The following CDH8 variants were observed in gnomAD, a reference collection of about 807,000 sequenced individuals.
The protein encoded by CDH8 is cadherin-8.
Under a neutral mutation model 68.1 loss-of-function variants are expected in CDH8, and 17 were observed. That is an observed-to-expected ratio of 0.25 (90% CI 0.17 to 0.37). The LOEUF (loss-of-function observed/expected upper bound fraction) is 0.37. CDH8 is among the 10% of genes least tolerant of loss of function. CDH8 has a pLI of 1.00. For synonymous variants in CDH8, 372 were observed against 365.1 expected (o/e 1.02, Z -0.21); for missense variants, 763 against 999.3 (o/e 0.76, Z 3.19).
At chr16:61,765,021 T>C (rs1169467939) in intron 8 of CDH8, among the ~76,000 whole-genome samples, 2 of 152,008 alleles carry the variant, frequency 1.3e-5, no homozygotes, top group Non-Finnish European at 2.9e-5. Context: ...ATTAATGAAA[T>C]ATGTGTAAAG....
chr16:61,919,103 T>C (rs1378743586), intron 2 of CDH8, among the ~76,000 whole-genome samples: 1 of 144,974 alleles, frequency 6.9e-6, no homozygotes, highest in Non-Finnish European at 1.5e-5. Context: ...CAGCTGAGGG[T>C]CCTGTCTGTT....
At chr16:61,768,174 T>A (rs374276715) in intron 8 of CDH8, among the ~76,000 whole-genome samples, 2 of 151,900 alleles carry the variant, frequency 1.3e-5, no homozygotes, top group East Asian at 3.9e-4. Flanking sequence ...CACCAAGTGA[T>A]TTGAAAAACA....
chr16:61,667,940 T>A (rs2142771487), intron 10 of CDH8, among the ~76,000 whole-genome samples: 1 of 152,012 alleles, frequency 6.6e-6, no homozygotes, highest in East Asian at 1.9e-4. Context: ...TTAACAAAAA[T>A]TACCTCAAAA....
At chr16:61,666,255 A>G (rs1963677043) in intron 10 of CDH8, among the ~76,000 whole-genome samples, 1 of 151,578 alleles carries the variant, frequency 6.6e-6, no homozygotes, top group South Asian at 2.1e-4. Flanking sequence ...GGTTTCAAGC[A>G]TCCAGTCTGG....
intron 2 of CDH8, among the ~76,000 whole-genome samples, chr16:61,917,655 A>C (rs1014907983): frequency 6.6e-6 from 1 of 152,198 alleles, no homozygotes; most frequent in Non-Finnish European, 1.5e-5. Context: ...CTTGTTATGT[A>C]TGTGAACATT....
chr16:61,866,942 T>C (rs1597028703), intron 3 of CDH8, among the ~76,000 whole-genome samples: 2 of 152,182 alleles, frequency 1.3e-5, no homozygotes, highest in East Asian at 3.9e-4. Flanking sequence ...TGTTCGTTTT[T>C]TTTGTCCCTC....
intron 2 of CDH8, among the ~76,000 whole-genome samples, chr16:61,943,775 A>C (rs1964759654): frequency 6.6e-6 from 1 of 152,222 alleles, no homozygotes; most frequent in Non-Finnish European, 1.5e-5. Context: ...ATACTACAAC[A>C]TGAAAAGTGA....
intron 2 of CDH8, among the ~76,000 whole-genome samples, chr16:61,998,738 G>A (rs896476440): frequency 6.6e-6 from 1 of 152,152 alleles, no homozygotes; most frequent in Admixed American, 6.5e-5. Flanking sequence ...AAAGCTACTT[G>A]TCAACTAGAA....
intron 10 of CDH8, chr16:61,693,735 T>C (rs1176929373): frequency 6.6e-6 from 1 of 152,148 alleles, no homozygotes; most frequent in Non-Finnish European, 1.5e-5. Flanking sequence ...AAATGAGGTA[T>C]GATGCAAGAA....
intron 8 of CDH8, among the ~76,000 whole-genome samples, chr16:61,754,935 T>C (rs1451386692): frequency 6.6e-6 from 1 of 152,136 alleles, no homozygotes; most frequent in Non-Finnish European, 1.5e-5. Context: ...TCCTCCCTCC[T>C]CTAGCAGGCA....
chr16:61,687,468 G>C (rs1224985099), intron 10 of CDH8, among the ~76,000 whole-genome samples: 1 of 151,934 alleles, frequency 6.6e-6, no homozygotes, highest in Non-Finnish European at 1.5e-5. Flanking sequence ...TGGGCACCTA[G>C]GTTTCCTGAT....
chr16:61,813,934 T>C (rs1309897033), intron 7 of CDH8, among the ~76,000 whole-genome samples: 1 of 152,206 alleles, frequency 6.6e-6, no homozygotes, highest in Admixed American at 6.5e-5. Flanking sequence ...AATTAGACTA[T>C]TTAGCCTATA....
At position 61,963,257 on chromosome 16, in the gene CDH8, C is replaced by G. The variant is rs564827407; in HGVS notation, c.252+57895G>C. On this transcript the variant is annotated intron_variant, in intron 2 of 11. Transcript: ENST00000577390. ...CCCTAGGCACACCCTTCCTCCATGT[C>G]CCTTCCATGTCACCATGACCATCAG... 1.1e-4 allele frequency among the ~76,000 whole-genome samples: 17 copies of G among 152,244 alleles called. No homozygotes were observed. In the East Asian group the frequency reaches 3.1e-3, roughly 28 times the overall value.
At chr16:61,864,985 C>T (rs147331072) in intron 3 of CDH8, among the ~76,000 whole-genome samples, 79 of 152,322 alleles carry the variant, frequency 5.2e-4, no homozygotes, top group Non-Finnish European at 9.3e-4. Flanking sequence ...TTTTATGACA[C>T]ATACCACACA....
intron 4 of CDH8, among the ~76,000 whole-genome samples, chr16:61,826,189 A>T (rs1290508166): frequency 6.6e-6 from 1 of 151,832 alleles, no homozygotes; most frequent in African/African-American, 2.4e-5. Context: ...TTCTCACAGG[A>T]GATGTTTTTG....
chr16:61,705,241 A>T (rs1964505699), intron 10 of CDH8, among the ~76,000 whole-genome samples: 1 of 152,192 alleles, frequency 6.6e-6, no homozygotes. Flanking sequence ...GAACAATAGT[A>T]TTCTCTAGTT....
intron 4 of CDH8, among the ~76,000 whole-genome samples, chr16:61,837,024 A>G (rs1962583317): frequency 1.3e-5 from 2 of 151,874 alleles, no homozygotes; most frequent in Admixed American, 1.3e-4. Flanking sequence ...TGCATTCCAC[A>G]AGTCCTGTTT....
chr16:62,031,120 G>A (rs1902315195), intron 1 of CDH8, among the ~76,000 whole-genome samples: 1 of 152,184 alleles, frequency 6.6e-6, no homozygotes, highest in Non-Finnish European at 1.5e-5. Context: ...ATATAACTTT[G>A]CATCAAATAT....
intron 10 of CDH8, among the ~76,000 whole-genome samples, chr16:61,683,035 G>A (rs918650540): frequency 2.0e-5 from 3 of 151,996 alleles, no homozygotes; most frequent in Admixed American, 2.0e-4. Context: ...AATGAATTAA[G>A]CTTGGACATG....
Sources: gnomAD v4.1 joint callset for allele counts (sites outside exome capture counted in the v4.1 genomes callset) on GRCh38, gnomAD v4.1.1 for gene constraint, MANE v1.5 for transcripts, NCBI Gene and HGNC (gene_info 2026-07-23, HGNC 2026-07-21) for gene names.